Variants in CALHM4 observed in about 807,000 individuals in gnomAD.
CALHM4 encodes calcium homeostasis modulator protein 4.
CALHM4 carries 16 observed loss-of-function variants against 13.3 expected under a neutral mutation model. The observed-to-expected ratio is 1.20, with a 90% CI of 0.81 to 1.82. CALHM4 has a LOEUF of 1.82. CALHM4 is among the 40% of genes most tolerant of loss of function. The probability of loss-of-function intolerance (pLI) is 0.00; values close to 1 mark genes in which losing one functional copy is unlikely to be tolerated. For synonymous variants in CALHM4, 127 were observed against 137.1 expected, an observed-to-expected ratio of 0.93 and a Z score of 0.52; for missense variants, 344 against 374.9, an observed-to-expected ratio of 0.92 and a Z score of 0.68.
chr6:116,551,160 C>T (rs547303253), upstream of CALHM4, among the ~76,000 whole-genome samples: 109 of 152,270 alleles, frequency 7.2e-4, no homozygotes, highest in African/African-American at 2.6e-3. Flanking sequence ...CCTGATGCAC[C>T]CCCGTGACCT....
chr6:116,545,108 T>C (rs989933214), intron 2 of CALHM4, among the ~76,000 whole-genome samples: 6 of 145,464 alleles, frequency 4.1e-5, no homozygotes, highest in Admixed American at 6.7e-5. Context: ...TATACACACA[T>C]ATATATATAC....
At chr6:116,545,541 C>T (rs1773731194) in intron 2 of CALHM4, 1 of 1,542,320 alleles carries the variant, frequency 6.5e-7, no homozygotes, top group Non-Finnish European at 8.8e-7. Context: ...AGAATATGAT[C>T]TTCAATTTCT....
upstream of CALHM4, among the ~76,000 whole-genome samples, chr6:116,549,795 G>C (rs1215492941): frequency 6.6e-6 from 1 of 151,008 alleles, no homozygotes; most frequent in Non-Finnish European, 1.5e-5. Flanking sequence ...GGCTAACATG[G>C]TGAAACCCTG....
intron 2 of CALHM4, among the ~76,000 whole-genome samples, chr6:116,547,274 A>G (rs1773838204): frequency 6.6e-6 from 1 of 152,182 alleles, no homozygotes; most frequent in South Asian, 2.1e-4. Context: ...AGAATAACCT[A>G]CAAAGGGCCT....
upstream of CALHM4, among the ~76,000 whole-genome samples, chr6:116,550,003 TATATATATATATATATATATATAC>T (rs1292236864): frequency 3.6e-5 from 5 of 139,036 alleles, no homozygotes; most frequent in African/African-American, 1.4e-4. Context: ...TATATATATA[TATATATATATATATATATATATAC>T]ACACACACAC....
At chr6:116,538,738 T>C (rs974962774) in intron 1 of CALHM4, among the ~76,000 whole-genome samples, 6 of 151,546 alleles carry the variant, frequency 4.0e-5, no homozygotes, top group South Asian at 2.1e-4. Flanking sequence ...TTCTTTCTTT[T>C]TTTTTTTTTT....
At chr6:116,556,533 G>A (rs1384008857) in intron 1 of CALHM4, among the ~76,000 whole-genome samples, 2 of 152,166 alleles carry the variant, frequency 1.3e-5, no homozygotes, top group African/African-American at 4.8e-5. Context: ...TTTAGCCTCC[G>A]TAGAGTACAA....
chr6:116,557,749 C>T (rs1173313692), intron 1 of CALHM4, 76 bp from the exon 2 acceptor site: 5 of 1,492,084 alleles, frequency 3.4e-6, no homozygotes, highest in East Asian at 2.3e-5. Flanking sequence ...TTGTAGGAAT[C>T]CCCCCTCCCA....
intron 1 of CALHM4, among the ~76,000 whole-genome samples, chr6:116,532,615 A>C (rs1303564903): frequency 6.6e-6 from 1 of 152,252 alleles, no homozygotes; most frequent in Non-Finnish European, 1.5e-5. Context: ...TACTAGTATT[A>C]TCATAACTTT....
rs1774403574 is a variant in CALHM4, at chr6:116,557,917, A to G, written c.651A>G (p.Gln217=). ...GCTGCTCTCCCCTCACCTCTCTGCA[A>G]CATTGCTACTGGACCAGCCACCTCC... ...AKCCSPLTSL[Q]HCYWTSHLQN... The change falls in exon 2 of 2, where the codon CAA becomes CAG. Residue 217 remains glutamine, a synonymous_variant. Coordinates refer to ENST00000368596, the MANE Select transcript of CALHM4 (RefSeq NM_001366078.2). 4.3e-6 allele frequency: 7 copies of G among 1,614,124 alleles called. No individual in the cohort carries two copies. Among genetic ancestry groups the G allele is most frequent in the Non-Finnish European group, 5.9e-6 (7 of 1,180,010 alleles).
intron 1 of CALHM4, among the ~76,000 whole-genome samples, chr6:116,555,625 G>T (rs1364851164): frequency 1.3e-5 from 2 of 152,112 alleles, no homozygotes; most frequent in African/African-American, 4.8e-5. Context: ...AGCTCAAAAA[G>T]TTTATGTAAC....
At chr6:116,536,544 CAGAG>C (rs933580332) in intron 1 of CALHM4, among the ~76,000 whole-genome samples, 2 of 152,180 alleles carry the variant, frequency 1.3e-5, no homozygotes, top group South Asian at 2.1e-4. Flanking sequence ...TTTACTAACT[CAGAG>C]GGAGGGATCA....
chr6:116,557,983 C>T lies in CALHM4; in HGVS notation c.717C>T (p.His239=). Residue 239 remains histidine, a synonymous_variant, in exon 2 of 2, where the codon CAC becomes CAT. Coordinates refer to ENST00000368596, the MANE Select transcript of CALHM4 (RefSeq NM_001366078.2). ...TCTTTGAACAAGCAGCAGAGCAGCA[C>T]TCTCGGCTCCTCATGATGCATCGCA... ...RELFEQAAEQ[H]SRLLMMHRIK... The T allele has an allele frequency of 6.2e-7, 1 of 1,614,154 alleles. No individual in the cohort carries two copies. Among genetic ancestry groups the T allele is most frequent in the East Asian group, 2.2e-5 (1 of 44,878 alleles).
chr6:116,548,119 G>A (rs1773893544), intron 2 of CALHM4, among the ~76,000 whole-genome samples: 1 of 152,158 alleles, frequency 6.6e-6, no homozygotes, highest in Admixed American at 6.6e-5. Context: ...GGGCCTTTGG[G>A]GAAGCGATTA....
intron 1 of CALHM4, chr6:116,540,475 GAA>G: frequency 6.5e-7 from 1 of 1,548,386 alleles, no homozygotes; most frequent in Non-Finnish European, 8.7e-7. Flanking sequence ...GTGGATGACG[GAA>G]AGAGTGTGGT....
intron 1 of CALHM4, chr6:116,540,600 T>A (rs1310853267): frequency 1.2e-6 from 1 of 815,966 alleles, no homozygotes; most frequent in Non-Finnish European, 1.9e-6. Context: ...GTCAAATGGC[T>A]TTTGGCTGTG....
chr6:116,541,750 C>T (rs1446571727), intron 1 of CALHM4, among the ~76,000 whole-genome samples: 1 of 152,168 alleles, frequency 6.6e-6, no homozygotes, highest in African/African-American at 2.4e-5. Context: ...TTCTAATTCT[C>T]ACTTTGCATA....
At chr6:116,556,332 A>G (rs1774315254) in intron 1 of CALHM4, among the ~76,000 whole-genome samples, 1 of 152,198 alleles carries the variant, frequency 6.6e-6, no homozygotes, top group Admixed American at 6.5e-5. Flanking sequence ...AAAATTATAG[A>G]GAAAATGAAT....
At chr6:116,542,605 T>C (rs1184679011) in intron 1 of CALHM4, among the ~76,000 whole-genome samples, 1 of 152,108 alleles carries the variant, frequency 6.6e-6, no homozygotes, top group East Asian at 1.9e-4. Context: ...GTTTTATTGT[T>C]TGGCAATCAT....
Sources: allele counts gnomAD v4.1 joint callset (sites outside exome capture counted in the v4.1 genomes callset), GRCh38; gene constraint gnomAD v4.1.1; transcripts MANE v1.5; gene names NCBI Gene and HGNC (gene_info 2026-07-23, HGNC 2026-07-21).